The following DDAH1 variants were observed in gnomAD, a reference collection of about 807,000 sequenced individuals.
DDAH1 encodes the protein dimethylarginine dimethylaminohydrolase 1.
A neutral mutation model predicts 28.8 loss-of-function variants in DDAH1; 19 were observed. The ratio of observed to expected loss-of-function variants is 0.66; its 90% confidence interval spans 0.46 to 0.97. The LOEUF is 0.97. Among genes scored for constraint, DDAH1 ranks in the 50% least tolerant of loss-of-function variants. The probability of loss-of-function intolerance (pLI) is 0.00; values close to 1 mark genes in which losing one functional copy is unlikely to be tolerated. For synonymous variants in DDAH1, 153 were observed against 154.4 expected, an observed-to-expected ratio of 0.99 and a Z score of 0.07; for missense variants, 326 against 375.9, an observed-to-expected ratio of 0.87 and a Z score of 1.10.
chr1:85,400,539 G>C (rs1195140043), intron 1 of DDAH1, among the ~76,000 whole-genome samples: 2 of 152,008 alleles, frequency 1.3e-5, no homozygotes, highest in Non-Finnish European at 2.9e-5. Context: ...CATCTAATTA[G>C]AGAGTTTACT....
rs1386548924 is a variant in DDAH1, at chr1:85,480,478, C to T, written c.-7+15688G>A. 5.3e-5 allele frequency among the ~76,000 whole-genome samples: 8 copies of T among 152,284 alleles called. No homozygotes were observed. The East Asian group carries it at 1.5e-3, about 29-fold the overall frequency. ...AATCAGGAACAGGCAGGTGCGGTGGCTCACATCTATAATCCCAGCACTTTG... is the reference window on the plus strand; with the variant it reads ...AATCAGGAACAGGCAGGTGCGGTGGTTCACATCTATAATCCCAGCACTTTG... On this transcript the variant is annotated intron_variant, in intron 2 of 6. Coordinates refer to the DDAH1 transcript ENST00000426972.
At chr1:85,356,250 G>T (rs533429808) in intron 2 of DDAH1, among the ~76,000 whole-genome samples, 5 of 152,174 alleles carry the variant, frequency 3.3e-5, no homozygotes, top group Non-Finnish European at 7.4e-5. Context: ...GTCTATTTAA[G>T]AGAAATGGTA....
At chr1:85,491,742 A>G (rs894656265) in intron 2 of DDAH1, among the ~76,000 whole-genome samples, 1 of 152,014 alleles carries the variant, frequency 6.6e-6, no homozygotes, top group African/African-American at 2.4e-5. Context: ...TGCCCAATAA[A>G]CATATATTGG....
chr1:85,576,897 G>A, intron 1 of DDAH1: 1 of 152,490 alleles, frequency 6.6e-6, no homozygotes, highest in Non-Finnish European at 1.5e-5. Flanking sequence ...GCGGGCCGCC[G>A]CGGCGCACTT....
chr1:85,509,211 G>C lies in DDAH1; in HGVS notation c.-122-12930C>G, dbSNP rs151190473. 4.6e-3 allele frequency among the ~76,000 whole-genome samples: 704 copies of C among 152,350 alleles called. 6 individuals are homozygous for C. Among genetic ancestry groups the C allele is most frequent in the Non-Finnish European group, 6.2e-3 (424 of 68,034 alleles). On this transcript the variant is annotated intron_variant, in intron 1 of 6. Transcript: ENST00000426972. ...GATACCCAGGCAAAGAGGGTCTGGA[G>C]TGGAACTCCAGCAAACTCCAACAGA...
intron 1 of DDAH1, among the ~76,000 whole-genome samples, chr1:85,439,633 T>C (rs772425824): frequency 6.6e-5 from 10 of 152,230 alleles, no homozygotes; most frequent in African/African-American, 1.7e-4. Flanking sequence ...TTACTACACA[T>C]TGAAAAGTGC....
chr1:85,566,460 C>A (rs531393318), intron 1 of DDAH1, among the ~76,000 whole-genome samples: 3 of 148,768 alleles, frequency 2.0e-5, no homozygotes, highest in African/African-American at 7.5e-5. Flanking sequence ...CCACTGCACT[C>A]CAGCCTGGGT....
chr1:85,462,548 C>T (rs1655174218), intron 1 of DDAH1, among the ~76,000 whole-genome samples: 2 of 152,114 alleles, frequency 1.3e-5, no homozygotes, highest in Admixed American at 6.5e-5. Context: ...AAATATACAG[C>T]AATCCATAGA....
At chr1:85,374,247 T>C (rs1173367190) in intron 1 of DDAH1, among the ~76,000 whole-genome samples, 1 of 152,158 alleles carries the variant, frequency 6.6e-6, no homozygotes, top group African/African-American at 2.4e-5. Flanking sequence ...TGGGCTATTA[T>C]TTTAGACTGA....
At chr1:85,558,529 GAAAC>G (rs1312139167) in intron 1 of DDAH1, among the ~76,000 whole-genome samples, 2 of 152,034 alleles carry the variant, frequency 1.3e-5, no homozygotes, top group Non-Finnish European at 2.9e-5. Context: ...AATGAATACA[GAAAC>G]AAAAAAGTGA....
At chr1:85,490,252 A>T (rs981461793) in intron 2 of DDAH1, among the ~76,000 whole-genome samples, 2 of 152,224 alleles carry the variant, frequency 1.3e-5, no homozygotes, top group Non-Finnish European at 2.9e-5. Context: ...AGAAAGATTC[A>T]TGACTAAAAG....
chr1:85,511,380 C>T (rs1321899419), intron 1 of DDAH1, among the ~76,000 whole-genome samples: 1 of 152,180 alleles, frequency 6.6e-6, no homozygotes, highest in South Asian at 2.1e-4. Context: ...TAGCACTAAA[C>T]GTCCACTAGA....
rs544950189 is a variant in DDAH1 at position 85,387,924 on chromosome 1, G to T, written c.304-29077C>A. ...GCAGAAGGGAAAGAGGAGTCATTGT[G>T]TGCAGACATCACATGGTGAGAGAGA... On this transcript the variant is annotated intron_variant, in intron 1 of 5. Transcript: ENST00000284031. Among the ~76,000 whole-genome samples the T allele has an allele frequency of 5.3e-5, 8 of 152,296 alleles. 1 individual carries two copies. In the South Asian group the frequency reaches 1.0e-3, roughly 20 times the overall value.
At chr1:85,366,138 G>A (rs920459096) in intron 1 of DDAH1, among the ~76,000 whole-genome samples, 6 of 151,334 alleles carry the variant, frequency 4.0e-5, no homozygotes, top group Admixed American at 1.3e-4. Flanking sequence ...TCAAATGGGA[G>A]CCTTAGTCCT....
chr1:85,437,772 T>C (rs1654007260), intron 1 of DDAH1, among the ~76,000 whole-genome samples: 1 of 152,228 alleles, frequency 6.6e-6, no homozygotes, highest in South Asian at 2.1e-4. Flanking sequence ...AATAAACACA[T>C]AAGCATAGTT....
intron 1 of DDAH1, among the ~76,000 whole-genome samples, chr1:85,440,545 G>C (rs1211419019): frequency 6.6e-6 from 1 of 152,180 alleles, no homozygotes; most frequent in African/African-American, 2.4e-5. Context: ...ACCCTATACA[G>C]GACTACTCTC....
intron 1 of DDAH1, among the ~76,000 whole-genome samples, chr1:85,392,907 A>G (rs944142823): frequency 7.2e-5 from 11 of 152,152 alleles, no homozygotes; most frequent in African/African-American, 2.4e-4. Flanking sequence ...GAAAGGAAGT[A>G]AAATCTCAGA....
intron 1 of DDAH1, among the ~76,000 whole-genome samples, chr1:85,447,286 G>T (rs1017120479): frequency 6.6e-6 from 1 of 152,168 alleles, no homozygotes; most frequent in Non-Finnish European, 1.5e-5. Flanking sequence ...TCACTTGGTT[G>T]CCTGCATCAA....
chr1:85,415,502 A>G (rs17127231), intron 1 of DDAH1, among the ~76,000 whole-genome samples: 7,015 of 152,318 alleles, frequency 0.046, 262 homozygotes, highest in South Asian at 0.18. Flanking sequence ...TGCTCATAGT[A>G]TTAATAGCAA....
Sources: allele counts gnomAD v4.1 joint callset (sites outside exome capture counted in the v4.1 genomes callset), GRCh38; gene constraint gnomAD v4.1.1; transcripts MANE v1.5; gene names NCBI Gene and HGNC (gene_info 2026-07-23, HGNC 2026-07-21).